The following MCPH1 variants were observed in gnomAD, a reference collection of about 807,000 sequenced individuals.
MCPH1 encodes microcephalin.
Under a neutral mutation model 84.5 loss-of-function variants are expected in MCPH1, and 104 were observed. That is an observed-to-expected ratio of 1.23 (90% confidence interval 1.05 to 1.45). The LOEUF (loss-of-function observed/expected upper bound fraction) is 1.45, where lower values mean the gene tolerates loss of function less well. MCPH1 is among the 40% of genes most tolerant of loss of function. The probability of loss-of-function intolerance (pLI) is 0.00; values close to 1 mark genes in which losing one functional copy is unlikely to be tolerated. For synonymous variants in MCPH1, 514 were observed against 366.8 expected (o/e 1.40, Z -4.58); for missense variants, 1,498 against 1,005.7 (o/e 1.49, Z -6.62).
intron 9 of MCPH1, among the ~76,000 whole-genome samples, chr8:6,472,252 T>A (rs1475279453): frequency 1.3e-5 from 2 of 152,148 alleles, no homozygotes; most frequent in East Asian, 3.9e-4. Context: ...AGAGGGTTAT[T>A]TTAGAGGGGA....
At chr8:6,547,757 C>T (rs776415100) in intron 12 of MCPH1, among the ~76,000 whole-genome samples, 5 of 152,192 alleles carry the variant, frequency 3.3e-5, no homozygotes, top group Non-Finnish European at 5.9e-5. Context: ...CTGACTCACT[C>T]GGTGGGAACA....
At chr8:6,633,581 C>T (rs1026567404) in intron 13 of MCPH1, among the ~76,000 whole-genome samples, 1 of 152,118 alleles carries the variant, frequency 6.6e-6, no homozygotes, top group African/African-American at 2.4e-5. Context: ...AGCACAGGTG[C>T]ACGACACAGT....
chr8:6,489,255 GA>G (rs1810295561), intron 11 of MCPH1, among the ~76,000 whole-genome samples: 1 of 151,806 alleles, frequency 6.6e-6, no homozygotes, highest in Non-Finnish European at 1.5e-5. Context: ...AAGAAATGAA[GA>G]AAACAGTGAG....
intron 13 of MCPH1, chr8:6,634,966 C>G (rs771704235): frequency 6.6e-6 from 1 of 152,246 alleles, no homozygotes; most frequent in African/African-American, 2.4e-5. Flanking sequence ...GCCATACATG[C>G]TGTTGCCAAC....
At chr8:6,613,323 A>C (rs528847164) in intron 12 of MCPH1, among the ~76,000 whole-genome samples, 1 of 152,244 alleles carries the variant, frequency 6.6e-6, no homozygotes, top group African/African-American at 2.4e-5. Flanking sequence ...GCCAACGGTC[A>C]GGGGACTGGC....
chr8:6,499,062 TAAATTAAATAAATAAATAAA>T (rs952538742), intron 11 of MCPH1, among the ~76,000 whole-genome samples: 2 of 139,566 alleles, frequency 1.4e-5, no homozygotes, highest in Non-Finnish European at 3.1e-5. Context: ...AAAAAATAAA[TAAATTAAATAAATAAATAAA>T]TAAATAAATA....
At chr8:6,607,017 T>C (rs1586777675) in intron 12 of MCPH1, among the ~76,000 whole-genome samples, 1 of 152,210 alleles carries the variant, frequency 6.6e-6, no homozygotes, top group Admixed American at 6.5e-5. Flanking sequence ...ATCAGCAGTA[T>C]GAAAACAGAC....
In MCPH1 at chr8:6,648,027, T is replaced by A. The variant is rs777350858; in HGVS notation, c.*4978T>A. The A allele has an allele frequency of 6.6e-6, 1 of 152,136 alleles. No individual in the cohort carries two copies. Among genetic ancestry groups the A allele is most frequent in the Non-Finnish European group, 1.5e-5 (1 of 68,034 alleles). The allele number at this position is 152,136 out of a possible 1,614,324, so 9.4% of individuals were successfully genotyped here. ...GAACTTTCTCTTCCACAGCAATGAG[T>A]GCAGGTAGCTAACACTGACCAACCT... On this transcript the variant is annotated 3_prime_UTR_variant, in exon 14 of 14. Coordinates refer to ENST00000344683, the MANE Select transcript of MCPH1 (RefSeq NM_024596.5).
rs79449168 is a variant in MCPH1, at chr8:6,420,838, C to G, written c.233+5955C>G. On this transcript the variant is annotated intron_variant, in intron 3 of 13. Coordinates refer to ENST00000344683, the MANE Select transcript of MCPH1 (RefSeq NM_024596.5). ...GTATGGGTTTGCAGCAACTTCAGTT[C>G]TTGCTTCCTCAAAAGAAAGAATTCC... Among the ~76,000 whole-genome samples the G allele has an allele frequency of 4.5e-3, 682 of 152,278 alleles. 9 individuals carry two copies. Among genetic ancestry groups the G allele is most frequent in the African/African-American group, 0.015 (620 of 41,560 alleles).
At chr8:6,551,051 G>C (rs559047765) in intron 12 of MCPH1, among the ~76,000 whole-genome samples, 10 of 152,322 alleles carry the variant, frequency 6.6e-5, no homozygotes, top group South Asian at 4.1e-4. Context: ...CCCTTGTTTT[G>C]AGAAGGGGTA....
chr8:6,410,030 C>A (rs1006531054), intron 2 of MCPH1, among the ~76,000 whole-genome samples: 4 of 151,612 alleles, frequency 2.6e-5, no homozygotes, highest in African/African-American at 9.7e-5. Flanking sequence ...AGTGCAGTGA[C>A]GCGATCTCAG....
intron 12 of MCPH1, chr8:6,503,091 A>T: frequency 6.2e-7 from 1 of 1,614,104 alleles, no homozygotes; most frequent in Non-Finnish European, 8.5e-7. Context: ...CCTCAGGTGG[A>T]CTGGGATGTT....
chr8:6,428,370 T>C (rs1480673684), intron 3 of MCPH1, among the ~76,000 whole-genome samples: 2 of 152,222 alleles, frequency 1.3e-5, no homozygotes, highest in East Asian at 1.9e-4. Context: ...TATAATCTTA[T>C]GTGATCACTG....
intron 8 of MCPH1, among the ~76,000 whole-genome samples, chr8:6,454,929 G>A (rs1300344735): frequency 1.3e-5 from 2 of 152,172 alleles, no homozygotes; most frequent in East Asian, 3.9e-4. Flanking sequence ...TAACCTGATT[G>A]TTACCGACCA....
rs371498495 is a variant in MCPH1 at position 6,480,753 on chromosome 8, A to G, written c.2013A>G (p.Lys671=). 4.6e-5 allele frequency: 74 copies of G among 1,614,114 alleles called. No homozygotes were observed. The African/African-American group carries it at 9.1e-4, about 20-fold the overall frequency. The change falls in exon 11 of 14, where the codon AAA becomes AAG. Residue 671 remains lysine (K), a synonymous_variant. Coordinates refer to ENST00000344683, the MANE Select transcript of MCPH1 (RefSeq NM_024596.5). ...NVVIQVVDKL[K]GFSIAPDVCE... The stretch of plus-strand genomic sequence containing the variant: ...TCATCCAGGTTGTGGATAAATTGAA[A>G]GGCTTTTCAATTGCACCAGACGTCT...
chr8:6,527,111 A>G (rs558485234), intron 12 of MCPH1, among the ~76,000 whole-genome samples: 16 of 152,338 alleles, frequency 1.1e-4, no homozygotes, highest in African/African-American at 3.4e-4. Context: ...TAATACTGAA[A>G]TAAAATGCCT....
chr8:6,511,078 C>T (rs1232807051), intron 12 of MCPH1, among the ~76,000 whole-genome samples: 5 of 152,168 alleles, frequency 3.3e-5, no homozygotes, highest in African/African-American at 1.2e-4. Context: ...CTCTTGTCTC[C>T]TTTGAACATG....
At chr8:6,431,808 T>C (rs1257739742) in intron 4 of MCPH1, among the ~76,000 whole-genome samples, 1 of 152,196 alleles carries the variant, frequency 6.6e-6, no homozygotes, top group African/African-American at 2.4e-5. Context: ...AAGCCTGTGG[T>C]TGGCCATGGG....
chr8:6,416,942 C>T (rs866295608), intron 3 of MCPH1, among the ~76,000 whole-genome samples: 1 of 151,554 alleles, frequency 6.6e-6, no homozygotes, highest in Non-Finnish European at 1.5e-5. Flanking sequence ...TGCAGTGAAC[C>T]AAGACCACGC....
Sources: allele counts gnomAD v4.1 joint callset (sites outside exome capture counted in the v4.1 genomes callset), GRCh38; gene constraint gnomAD v4.1.1; transcripts MANE v1.5; gene names NCBI Gene and HGNC (gene_info 2026-07-23, HGNC 2026-07-21).